Variants in SUGCT observed in about 807,000 individuals in gnomAD.
SUGCT encodes succinyl-CoA:glutarate-CoA transferase.
A neutral mutation model predicts 55.0 loss-of-function variants in SUGCT; 41 were observed. The observed-to-expected ratio is 0.74, with a 90% CI of 0.58 to 0.97. SUGCT has a LOEUF of 0.97. Among genes scored for constraint, SUGCT ranks in the 50% least tolerant of loss-of-function variants. SUGCT has a pLI of 0.00. For synonymous variants in SUGCT, 187 were observed against 200.4 expected, an observed-to-expected ratio of 0.93 and a Z score of 0.56; for missense variants, 568 against 547.8, an observed-to-expected ratio of 1.04 and a Z score of -0.37.
At chr7:40,720,646 G>T (rs1055855592) in intron 12 of SUGCT, among the ~76,000 whole-genome samples, 7 of 152,160 alleles carry the variant, frequency 4.6e-5, no homozygotes, top group Admixed American at 1.3e-4. Context: ...TTAGTGTAAT[G>T]TGTTAAATAT....
intron 1 of SUGCT, among the ~76,000 whole-genome samples, chr7:40,140,096 G>A (rs1787906755): frequency 6.6e-6 from 1 of 151,938 alleles, no homozygotes. Context: ...TAGAGACAGG[G>A]TTTCTCCATG....
intron 12 of SUGCT, among the ~76,000 whole-genome samples, chr7:40,512,750 GGTAA>G (rs1562828650): frequency 6.6e-6 from 1 of 152,028 alleles, no homozygotes. Flanking sequence ...GCATAGAAAT[GGTAA>G]GTGTGAAACT....
intron 11 of SUGCT, among the ~76,000 whole-genome samples, chr7:40,468,325 G>T (rs1790229831): frequency 6.6e-6 from 1 of 152,008 alleles, no homozygotes; most frequent in South Asian, 2.1e-4. Context: ...AGTAATATCT[G>T]TAATTTCCTT....
the SUGCT span, among the ~76,000 whole-genome samples, chr7:40,987,485 C>G: frequency 2.0e-5 from 3 of 152,148 alleles, no homozygotes; most frequent in Non-Finnish European, 2.9e-5. Context: ...ATACTCCCAC[C>G]CTTTCTTCTG....
At chr7:40,210,953 T>C (rs1458396288) in intron 6 of SUGCT, among the ~76,000 whole-genome samples, 1 of 152,128 alleles carries the variant, frequency 6.6e-6, no homozygotes, top group African/African-American at 2.4e-5. Context: ...AGGCAAAGAA[T>C]TGAACATACT....
intron 9 of SUGCT, among the ~76,000 whole-genome samples, chr7:40,404,138 G>T (rs1285862672): frequency 6.6e-6 from 1 of 152,182 alleles, no homozygotes; most frequent in African/African-American, 2.4e-5. Flanking sequence ...ACTGCAATGT[G>T]CAGGAAAAGG....
chr7:40,487,387 G>A (rs777033318), intron 11 of SUGCT, among the ~76,000 whole-genome samples: 38 of 150,706 alleles, frequency 2.5e-4, no homozygotes, highest in Non-Finnish European at 3.8e-4. Context: ...GATTACAGGC[G>A]TGAGCCACCA....
intron 7 of SUGCT, among the ~76,000 whole-genome samples, chr7:40,243,950 G>A (rs1214183433): frequency 1.3e-5 from 2 of 152,066 alleles, no homozygotes; most frequent in African/African-American, 4.8e-5. Context: ...AGGTGGGTGG[G>A]TCACTTCAGG....
At chr7:40,310,207 C>A (rs1795072407) in intron 8 of SUGCT, among the ~76,000 whole-genome samples, 1 of 152,186 alleles carries the variant, frequency 6.6e-6, no homozygotes, top group Non-Finnish European at 1.5e-5. Context: ...GAAATTGGTG[C>A]TGTTCTTTTA....
intron 9 of SUGCT, among the ~76,000 whole-genome samples, chr7:40,396,735 C>A (rs886739405): frequency 8.5e-5 from 13 of 152,166 alleles, no homozygotes; most frequent in African/African-American, 2.4e-4. Context: ...TGTGTGGATT[C>A]AGGCACCTGT....
At chr7:40,925,150 G>A in the SUGCT span, among the ~76,000 whole-genome samples, 2 of 152,168 alleles carry the variant, frequency 1.3e-5, no homozygotes, top group African/African-American at 4.8e-5. Context: ...AATAGCCCCT[G>A]ACTAACCCTT....
chr7:40,804,315 A>T (rs1398568105), intron 13 of SUGCT, among the ~76,000 whole-genome samples: 1 of 152,182 alleles, frequency 6.6e-6, no homozygotes, highest in Non-Finnish European at 1.5e-5. Flanking sequence ...CTCTTCAGGT[A>T]TAATAGAATG....
chr7:40,960,933 T>C, the SUGCT span, among the ~76,000 whole-genome samples: 1 of 152,230 alleles, frequency 6.6e-6, no homozygotes, highest in South Asian at 2.1e-4. Flanking sequence ...GACAATTTAA[T>C]TGAGCAGGAA....
At chr7:40,844,121 A>G (rs1359841421) in intron 13 of SUGCT, among the ~76,000 whole-genome samples, 1 of 152,066 alleles carries the variant, frequency 6.6e-6, no homozygotes, top group Admixed American at 6.5e-5. Flanking sequence ...AGCATGTTAC[A>G]ATGCTTTTTT....
At chr7:40,589,442 T>C (rs1322673249) in intron 12 of SUGCT, among the ~76,000 whole-genome samples, 2 of 152,144 alleles carry the variant, frequency 1.3e-5, no homozygotes, top group Non-Finnish European at 2.9e-5. Flanking sequence ...CCTGCCATTC[T>C]AGAGGGTAGG....
chr7:40,969,964 G>C, the SUGCT span, among the ~76,000 whole-genome samples: 1 of 152,180 alleles, frequency 6.6e-6, no homozygotes, highest in Non-Finnish European at 1.5e-5. Flanking sequence ...GGTGGCAGGA[G>C]GGGGAGACTG....
chr7:40,527,303 A>G (rs1368377532), intron 12 of SUGCT, among the ~76,000 whole-genome samples: 2 of 152,358 alleles, frequency 1.3e-5, no homozygotes, highest in South Asian at 4.1e-4. Flanking sequence ...GTTTATAAAA[A>G]GAGTTGCAGA....
At chr7:40,440,750 C>G (rs1187085052) in intron 9 of SUGCT, among the ~76,000 whole-genome samples, 6 of 152,034 alleles carry the variant, frequency 3.9e-5, no homozygotes, top group Admixed American at 3.9e-4. Context: ...CCTAAGATCT[C>G]ATTGTTTGGG....
At chr7:40,628,337 G>C (rs533233225) in intron 12 of SUGCT, among the ~76,000 whole-genome samples, 209 of 152,332 alleles carry the variant, frequency 1.4e-3, no homozygotes, top group African/African-American at 4.4e-3. Flanking sequence ...GGATCATTTA[G>C]CACCAGTCCA....
Sources: allele counts gnomAD v4.1 joint callset (sites outside exome capture counted in the v4.1 genomes callset), GRCh38; gene constraint gnomAD v4.1.1; transcripts MANE v1.5; gene names NCBI Gene and HGNC (gene_info 2026-07-23, HGNC 2026-07-21).